The following PRKAG2 variants were observed in gnomAD, a reference collection of about 807,000 sequenced individuals.
PRKAG2 encodes the protein protein kinase AMP-activated non-catalytic subunit gamma 2.
In PRKAG2, 26 loss-of-function variants were observed where a neutral mutation model predicts 69.6. The observed-to-expected ratio is 0.37, with a 90% CI of 0.27 to 0.52. The LOEUF (loss-of-function observed/expected upper bound fraction) is 0.52, where lower values mean the gene tolerates loss of function less well. Among genes scored for constraint, PRKAG2 ranks in the 20% least tolerant of loss-of-function variants. The pLI, the probability that PRKAG2 is intolerant of heterozygous loss-of-function variation, is 0.90. For missense variants in PRKAG2, 557 were observed against 740.0 expected (o/e 0.75, Z 2.87); for synonymous variants, 293 against 285.0 (o/e 1.03, Z -0.28).
intron 5 of PRKAG2, among the ~76,000 whole-genome samples, chr7:151,604,881 C>T (rs951978867): frequency 3.9e-5 from 6 of 151,950 alleles, no homozygotes; most frequent in Non-Finnish European, 8.8e-5. Flanking sequence ...TGGAGGATGC[C>T]CATTGGCTGG....
At chr7:151,816,094 C>T (rs940417875) in intron 1 of PRKAG2, among the ~76,000 whole-genome samples, 11 of 150,498 alleles carry the variant, frequency 7.3e-5, no homozygotes, top group South Asian at 2.1e-4. Flanking sequence ...CTAAGGCCCA[C>T]GGACAAAAAG....
At chr7:151,568,088 T>C (rs1220290867) in intron 11 of PRKAG2, among the ~76,000 whole-genome samples, 3 of 152,238 alleles carry the variant, frequency 2.0e-5, no homozygotes, top group Non-Finnish European at 4.4e-5. Context: ...AAGCCTCTTA[T>C]AAACTCTCTG....
In PRKAG2 at chr7:151,855,394, A is replaced by C. The variant is rs879182618; in HGVS notation, c.114+21113T>G. On this transcript the variant is annotated intron_variant, in intron 1 of 15. Coordinates refer to ENST00000287878, the MANE Select transcript of PRKAG2 (RefSeq NM_016203.4). Reference sequence around the variant, plus strand: ...ACACACACCGCCCTCCACACACACCATCCACACACCACCCTCCACATACAC... The same window carrying C: ...ACACACACCGCCCTCCACACACACCCTCCACACACCACCCTCCACATACAC... 1.9e-3 allele frequency among the ~76,000 whole-genome samples: 13 copies of C among 7,024 alleles called. 1 individual carries two copies. The highest frequency in any genetic ancestry group is 3.4e-3 in the Admixed American group (2 of 580). 4.6% of individuals were successfully genotyped at this position (7,024 alleles called of 152,430 possible).
chr7:151,856,512 A>G (rs774527660), intron 1 of PRKAG2, among the ~76,000 whole-genome samples: 1 of 152,238 alleles, frequency 6.6e-6, no homozygotes, highest in African/African-American at 2.4e-5. Context: ...AGACAGCCAC[A>G]CCGGGTTCAA....
intron 5 of PRKAG2, among the ~76,000 whole-genome samples, chr7:151,624,138 G>A (rs796163533): frequency 1.6e-4 from 3 of 18,596 alleles, no homozygotes; most frequent in African/African-American, 1.1e-3. Flanking sequence ...AGAAGGCAGC[G>A]TGTGTGTGTG....
At chr7:151,668,320 A>G (rs1831335263) in intron 4 of PRKAG2, among the ~76,000 whole-genome samples, 1 of 152,230 alleles carries the variant, frequency 6.6e-6, no homozygotes, top group South Asian at 2.1e-4. Flanking sequence ...AGCCTCCAGA[A>G]TCATGAATCA....
intron 3 of PRKAG2, among the ~76,000 whole-genome samples, chr7:151,710,616 C>T (rs1795136966): frequency 6.6e-6 from 1 of 152,214 alleles, no homozygotes; most frequent in Non-Finnish European, 1.5e-5. Context: ...GCGCAGCCAC[C>T]CAAAGTGAGG....
rs1806558867 is a variant in PRKAG2, at chr7:151,567,613, C to T, written c.1233+1103G>A. The stretch of plus-strand genomic sequence containing the variant: ...AGTCTGATAAACAATGCGGATGCAT[C>T]CCTAATCCCTTTTTCCTAGATTATC... On this transcript the variant is annotated intron_variant, in intron 11 of 15. Coordinates refer to ENST00000287878, the MANE Select transcript of PRKAG2 (RefSeq NM_016203.4). The surrounding 1 kb of genome is among the most constrained non-coding windows in gnomAD (Gnocchi z 4.2). 6.6e-6 allele frequency among the ~76,000 whole-genome samples: 1 copy of T among 152,170 alleles called. No homozygotes were observed. Among genetic ancestry groups the T allele is most frequent in the African/African-American group, 2.4e-5 (1 of 41,448 alleles).
intron 5 of PRKAG2, among the ~76,000 whole-genome samples, chr7:151,609,173 T>A (rs1818195862): frequency 6.6e-6 from 1 of 152,234 alleles, no homozygotes. Context: ...ATGTTCATTC[T>A]ACCATACACA....
intron 3 of PRKAG2, among the ~76,000 whole-genome samples, chr7:151,708,047 G>A (rs538457666): frequency 2.0e-5 from 3 of 152,318 alleles, no homozygotes; most frequent in South Asian, 4.1e-4. Flanking sequence ...ACTGGCCCCC[G>A]CTGTCCACAA....
chr7:151,665,106 T>C (rs1231363000), intron 4 of PRKAG2, among the ~76,000 whole-genome samples: 3 of 152,188 alleles, frequency 2.0e-5, no homozygotes, highest in Non-Finnish European at 4.4e-5. Context: ...CACCCTTCAA[T>C]GGCTTTAGCT....
At chr7:151,709,034 C>T (rs908482473) in intron 3 of PRKAG2, among the ~76,000 whole-genome samples, 3 of 152,140 alleles carry the variant, frequency 2.0e-5, no homozygotes, top group African/African-American at 7.2e-5. Context: ...GCGATGGTGA[C>T]ACTGTGACAC....
chr7:151,764,486 A>G (rs1056387104), intron 3 of PRKAG2, among the ~76,000 whole-genome samples: 2 of 152,124 alleles, frequency 1.3e-5, no homozygotes, highest in Admixed American at 6.5e-5. Context: ...GGGACCTGCT[A>G]CCCCCGCCCA....
chr7:151,800,882 G>C (rs4726097), intron 1 of PRKAG2, among the ~76,000 whole-genome samples: 121,898 of 152,086 alleles, frequency 0.8, 49,013 homozygotes, highest in African/African-American at 0.85. Flanking sequence ...TGGTAACAGA[G>C]GTGCCACAGT....
chr7:151,772,480 C>G (rs2076065788), intron 3 of PRKAG2, among the ~76,000 whole-genome samples: 1 of 152,224 alleles, frequency 6.6e-6, no homozygotes, highest in African/African-American at 2.4e-5. Context: ...ATGCATCCAG[C>G]TCTCCTCTAC....
chr7:151,573,460 G>A (rs997181290), intron 8 of PRKAG2, among the ~76,000 whole-genome samples: 24 of 150,206 alleles, frequency 1.6e-4, no homozygotes, highest in Non-Finnish European at 2.8e-4. Flanking sequence ...GACTACAGGC[G>A]TGAGCCACTG....
chr7:151,799,895 G>A (rs561015217), intron 1 of PRKAG2, among the ~76,000 whole-genome samples: 42 of 152,258 alleles, frequency 2.8e-4, no homozygotes, highest in Admixed American at 9.8e-4. Flanking sequence ...AATCCCTCAC[G>A]GGTGGGCTAA....
chr7:151,857,129 G>GAAAAAA (rs34768438), intron 1 of PRKAG2, among the ~76,000 whole-genome samples: 1 of 122,744 alleles, frequency 8.1e-6, no homozygotes, highest in Admixed American at 8.5e-5. Context: ...ATCATTGCTG[G>GAAAAAA]AAAAAAAAAA....
At chr7:151,700,348 T>C (rs1837462712) in intron 3 of PRKAG2, among the ~76,000 whole-genome samples, 1 of 152,094 alleles carries the variant, frequency 6.6e-6, no homozygotes, top group Non-Finnish European at 1.5e-5. Context: ...CAGCAGCCTG[T>C]TTGTTAGACA....
Sources: gnomAD v4.1 joint callset for allele counts (sites outside exome capture counted in the v4.1 genomes callset) on GRCh38, gnomAD v4.1.1 for gene constraint, Gnocchi (gnomAD v3.1) non-coding constraint, MANE v1.5 for transcripts, NCBI Gene and HGNC (gene_info 2026-07-23, HGNC 2026-07-21) for gene names.